The following PADI2 variants were observed in gnomAD, a reference collection of about 807,000 sequenced individuals.
PADI2 encodes the protein peptidyl arginine deiminase 2.
In PADI2, 70 loss-of-function variants were observed where a neutral mutation model predicts 81.1. The ratio of observed to expected loss-of-function variants is 0.86; its 90% CI spans 0.71 to 1.05. The LOEUF (loss-of-function observed/expected upper bound fraction) is 1.05, where lower values mean the gene tolerates loss of function less well. Among genes scored for constraint, PADI2 ranks in the 50% least tolerant of loss-of-function variants. PADI2 has a pLI of 0.00. For synonymous variants in PADI2, 338 were observed against 358.0 expected (o/e 0.94, Z 0.63); for missense variants, 853 against 889.9 (o/e 0.96, Z 0.53).
At position 17,083,869 on chromosome 1, in the gene PADI2, G is replaced by C. The variant is rs1883913; in HGVS notation, c.939-32C>G. 40 of 1,328,466 alleles carry C rather than the reference G, an allele frequency of 3.0e-5. 1 individual carries two copies. The highest frequency in any genetic ancestry group is 4.1e-5 in the Non-Finnish European group (38 of 921,246). 82.3% of individuals were successfully genotyped at this position (1,328,466 alleles called of 1,614,324 possible). ...AGTTGGGGGAAGAAGGAGAGGCCAG[G>C]AGAAAGGGTGAGGAGGGGCCAGAGT... On this transcript the variant is annotated intron_variant, in intron 8 of 15. Transcript: ENST00000375486.
chr1:17,115,970 G>C lies in PADI2; in HGVS notation c.92+3310C>G, dbSNP rs987444226. 6.6e-6 allele frequency among the ~76,000 whole-genome samples: 1 copy of C among 152,222 alleles called. No individual in the cohort carries two copies. Among genetic ancestry groups the C allele is most frequent in the Admixed American group, 6.5e-5 (1 of 15,288 alleles). ...CCCAGGGGGGCCAGTTTTGCTGGGA[G>C]AGCGTGGGTGGCCCAGAGCACCCCT... On this transcript the variant is annotated intron_variant, in intron 1 of 15. Coordinates refer to ENST00000375486, the MANE Select transcript of PADI2 (RefSeq NM_007365.3). The surrounding 1 kb of genome is among the most constrained non-coding windows in gnomAD (Gnocchi z 4.1).
At chr1:17,109,723 T>A (rs1335753626) in intron 1 of PADI2, among the ~76,000 whole-genome samples, 1 of 152,110 alleles carries the variant, frequency 6.6e-6, no homozygotes. Flanking sequence ...ATTTCTGACC[T>A]CAAGTGATCC....
At chr1:17,087,785 T>G (rs926736129) in intron 6 of PADI2, among the ~76,000 whole-genome samples, 1 of 152,108 alleles carries the variant, frequency 6.6e-6, no homozygotes, top group Non-Finnish European at 1.5e-5. Flanking sequence ...GGATTACAGG[T>G]GTGAGCCACC....
chr1:17,087,186 A>T (rs1328340951), intron 6 of PADI2, among the ~76,000 whole-genome samples: 2 of 152,220 alleles, frequency 1.3e-5, no homozygotes, highest in Non-Finnish European at 2.9e-5. Context: ...TGTGCCCATT[A>T]TACCAAAAAT....
At position 17,082,604 on chromosome 1, in the gene PADI2, C is replaced by A; in HGVS notation, c.1099G>T (p.Val367Leu). Residue 367 changes from valine to leucine, a missense_variant, in exon 10 of 16, where the codon GTG becomes TTG. Physicochemically the swap from Val to Leu is conservative, Grantham distance 32. Transcript: ENST00000375486. ...YIEAPHKGFPVVLDSPRDGNL... is the reference protein window; with the variant it reads ...YIEAPHKGFPLVLDSPRDGNL... Reference sequence around the variant, plus strand: ...CCATCTCGGGGAGAGTCCAGCACCACGGGGAAGCCTTTATGGGGGGCCTCG... The same window carrying A: ...CCATCTCGGGGAGAGTCCAGCACCAAGGGGAAGCCTTTATGGGGGGCCTCG... 1 of 1,611,984 alleles carries A rather than the reference C, an allele frequency of 6.2e-7. No individual in the cohort carries two copies. Among genetic ancestry groups the A allele is most frequent in the Non-Finnish European group, 8.5e-7 (1 of 1,179,362 alleles).
At chr1:17,091,034 C>T (rs1930672098) in intron 6 of PADI2, among the ~76,000 whole-genome samples, 1 of 151,908 alleles carries the variant, frequency 6.6e-6, no homozygotes, top group Non-Finnish European at 1.5e-5. Flanking sequence ...TCAACATCAA[C>T]ATCTCCGGCC....
chr1:17,095,663 C>A (rs1463983277), intron 4 of PADI2, among the ~76,000 whole-genome samples: 1 of 152,172 alleles, frequency 6.6e-6, no homozygotes, highest in African/African-American at 2.4e-5. Context: ...TCCTTCCCAG[C>A]AGTTCCATGA....
intron 13 of PADI2, 64 bp from the exon 14 acceptor site, chr1:17,071,555 T>C: frequency 7.6e-7 from 1 of 1,314,900 alleles, no homozygotes; most frequent in East Asian, 2.3e-5. Context: ...GTTCCCCTTT[T>C]GCCAAGATCC....
At chr1:17,082,433 G>A in intron 10 of PADI2, 112 bp downstream of exon 10, 2 of 721,198 alleles carry the variant, frequency 2.8e-6, no homozygotes, top group East Asian at 5.3e-5. Context: ...GAGAAACAGA[G>A]GCTCTGGGCA....
At chr1:17,085,336 G>A (rs531275868) in intron 7 of PADI2, among the ~76,000 whole-genome samples, 2 of 152,194 alleles carry the variant, frequency 1.3e-5, no homozygotes, top group South Asian at 2.1e-4. Context: ...TCCTTGGTGG[G>A]GAGGTGCGGG....
Position 17,068,164 on chromosome 1 carries a change from A to G in PADI2, c.*880T>C, listed in dbSNP as rs2078236381. Reference sequence around the variant, plus strand: ...TTGTCTAGCTGCCTGGACAGATGGCACCAGGAATAAAAAGGAAGAAAGTCA... The same window carrying G: ...TTGTCTAGCTGCCTGGACAGATGGCGCCAGGAATAAAAAGGAAGAAAGTCA... On this transcript the variant is annotated 3_prime_UTR_variant, in exon 16 of 16. Coordinates refer to ENST00000375486, the MANE Select transcript of PADI2 (RefSeq NM_007365.3). 1 of 152,828 alleles carries G rather than the reference A, an allele frequency of 6.5e-6. No individual in the cohort carries two copies. Among genetic ancestry groups the G allele is most frequent in the Non-Finnish European group, 1.5e-5 (1 of 68,166 alleles). 9.5% of individuals were successfully genotyped at this position (152,828 alleles called of 1,614,324 possible).
At chr1:17,104,426 C>CTTTTTTTTTT (rs1233283967) in intron 2 of PADI2, among the ~76,000 whole-genome samples, 20 of 98,292 alleles carry the variant, frequency 2.0e-4, no homozygotes, top group African/African-American at 6.5e-4. Flanking sequence ...TTCTTTTTGC[C>CTTTTTTTTTT]TTTTCTTTTT....
At chr1:17,090,911 C>T (rs7534962) in intron 6 of PADI2, among the ~76,000 whole-genome samples, 2,394 of 152,156 alleles carry the variant, frequency 0.016, 60 homozygotes, top group African/African-American at 0.055. Flanking sequence ...TTATTTGCAA[C>T]AGGTCTCGTG....
chr1:17,086,913 C>T (rs1205173045), intron 6 of PADI2, among the ~76,000 whole-genome samples: 2 of 152,238 alleles, frequency 1.3e-5, no homozygotes, highest in African/African-American at 4.8e-5. Flanking sequence ...GCCAGACAGT[C>T]ACCCTCTCTG....
At chr1:17,105,403 G>A (rs1337929417) in intron 1 of PADI2, among the ~76,000 whole-genome samples, 1 of 151,836 alleles carries the variant, frequency 6.6e-6, no homozygotes, top group Admixed American at 6.6e-5. Flanking sequence ...TTTTTTGTGT[G>A]TGTGTGTGTG....
At chr1:17,079,222 C>G (rs893193764) in intron 11 of PADI2, 42 bp downstream of exon 11, 4 of 1,578,034 alleles carry the variant, frequency 2.5e-6, no homozygotes, top group African/African-American at 2.7e-5. Flanking sequence ...ACAGTGACTT[C>G]CCCACTCCCA....
intron 10 of PADI2, among the ~76,000 whole-genome samples, chr1:17,079,803 T>TC (rs2078331002): frequency 6.6e-6 from 1 of 151,170 alleles, no homozygotes; most frequent in African/African-American, 2.4e-5. Flanking sequence ...GTTGTTGTTT[T>TC]TTTTTTTCTG....
At position 17,075,758 on chromosome 1, in the gene PADI2, G is replaced by A; in HGVS notation, c.1376C>T (p.Pro459Leu). ...CAGCCAGTCTGAGTAGAGCTCCACG[G>A]GCGCCTGCACCTGCTGGGCCTTCAG... ...DFLKAQQVQA[P>L]VELYSDWLTV... Residue 459 changes from proline (P) to leucine (L), a missense_variant, in exon 12 of 16, where the codon CCC (proline) becomes CTC (leucine). Pro to Leu is a moderately conservative substitution (Grantham distance 98). Coordinates refer to ENST00000375486, the MANE Select transcript of PADI2 (RefSeq NM_007365.3). 2.5e-6 allele frequency: 4 copies of A among 1,613,990 alleles called. No homozygotes were observed. The highest frequency in any genetic ancestry group is 3.4e-6 in the Non-Finnish European group (4 of 1,179,892).
chr1:17,069,352 A>C, intron 15 of PADI2, 75 bp from the exon 16 acceptor site: 506 of 1,134,980 alleles, frequency 4.5e-4, no homozygotes, highest in Non-Finnish European at 5.9e-4. Flanking sequence ...TCCTAAGCTC[A>C]TGGAACCCTC....
Sources: gnomAD v4.1 joint callset for allele counts (sites outside exome capture counted in the v4.1 genomes callset) on GRCh38, gnomAD v4.1.1 for gene constraint, Gnocchi (gnomAD v3.1) non-coding constraint, MANE v1.5 for transcripts, NCBI Gene and HGNC (gene_info 2026-07-23, HGNC 2026-07-21) for gene names.